RNGTT: variants seen among roughly 807,000 people sequenced by gnomAD.
RNGTT encodes mRNA-capping enzyme.
In RNGTT, 33 loss-of-function variants were observed where a neutral mutation model predicts 79.3. The observed-to-expected ratio is 0.42, with a 90% CI of 0.32 to 0.56. The LOEUF is 0.56. RNGTT is among the 20% of genes least tolerant of loss of function. RNGTT has a pLI of 0.17. For synonymous variants in RNGTT, 222 were observed against 235.9 expected (o/e 0.94, Z 0.54); for missense variants, 497 against 739.1 (o/e 0.67, Z 3.80).
chr6:88,957,454 G>A (rs1018449066), intron 1 of RNGTT, among the ~76,000 whole-genome samples: 6 of 152,130 alleles, frequency 3.9e-5, no homozygotes, highest in African/African-American at 1.2e-4. Flanking sequence ...TGATATGATT[G>A]TATACATAGG....
intron 11 of RNGTT, among the ~76,000 whole-genome samples, chr6:88,808,223 A>T (rs992528280): frequency 6.6e-5 from 10 of 152,148 alleles, no homozygotes; most frequent in African/African-American, 2.4e-4. Flanking sequence ...AATATTAACA[A>T]TGTATTGTAG....
At chr6:88,704,960 C>A (rs553800469) in intron 13 of RNGTT, among the ~76,000 whole-genome samples, 8 of 151,810 alleles carry the variant, frequency 5.3e-5, no homozygotes, top group Non-Finnish European at 1.2e-4. Flanking sequence ...TCTTAAAGGG[C>A]AGCAAGTTTG....
rs539282627 is a variant in RNGTT at position 88,771,315 on chromosome 6, GTATA to G, written c.1339-1445_1339-1442del. On this transcript the variant is annotated intron_variant, in intron 12 of 15. Transcript: ENST00000369485. ...ACTGTATGTATGTATGTGTGTGTGT[GTATA>G]TATATATATATATATATATATATAT... 7.6e-3 allele frequency among the ~76,000 whole-genome samples: 472 copies of G among 62,056 alleles called. 6 individuals are homozygous for G. Among genetic ancestry groups the G allele is most frequent in the East Asian group, 0.024 (49 of 2,018 alleles). The allele number at this position is 62,056 out of a possible 152,430, so 40.7% of individuals were successfully genotyped here.
At chr6:88,950,932 C>A (rs1189682991) in intron 1 of RNGTT, among the ~76,000 whole-genome samples, 1 of 151,370 alleles carries the variant, frequency 6.6e-6, no homozygotes, top group African/African-American at 2.4e-5. Flanking sequence ...GACCTTGGCT[C>A]ACTGCAATCT....
intron 13 of RNGTT, among the ~76,000 whole-genome samples, chr6:88,760,027 A>G (rs1410389880): frequency 6.6e-6 from 1 of 152,216 alleles, no homozygotes; most frequent in African/African-American, 2.4e-5. Context: ...GAAAGGTACT[A>G]ATGTAAAGAA....
chr6:88,849,773 A>G lies in RNGTT; in HGVS notation c.1086T>C (p.Tyr362=). Residue 362 remains tyrosine (Y), a synonymous_variant, in exon 10 of 16, where the codon TAT becomes TAC. Coordinates refer to ENST00000369485, the MANE Select transcript of RNGTT (RefSeq NM_003800.5). ...NGQAVPRYLI[Y]DIIKFNSQPV... is the part of the protein sequence containing the mutation. ...TACTTACATTGAATTTAATTATGTC[A>G]TATATCAAATATCTAGGAACAGCCT... The G allele has an allele frequency of 6.4e-7, 1 of 1,561,980 alleles. No homozygotes were observed. The highest frequency in any genetic ancestry group is 8.7e-7 in the Non-Finnish European group (1 of 1,153,574).
At chr6:88,738,837 A>AAT (rs145536808) in intron 13 of RNGTT, among the ~76,000 whole-genome samples, 7,439 of 128,326 alleles carry the variant, frequency 0.058, 589 homozygotes, top group African/African-American at 0.19. Context: ...CTATAAATAA[A>AAT]ATACACACAC....
At chr6:88,880,176 C>CTGAATGAA (rs57548721) in intron 8 of RNGTT, among the ~76,000 whole-genome samples, 18 of 149,466 alleles carry the variant, frequency 1.2e-4, no homozygotes, top group South Asian at 2.1e-4. Flanking sequence ...AATATAATTT[C>CTGAATGAA]TGAATGAATG....
intron 2 of RNGTT, among the ~76,000 whole-genome samples, chr6:88,935,807 T>C (rs980045654): frequency 6.6e-6 from 1 of 152,208 alleles, no homozygotes; most frequent in Non-Finnish European, 1.5e-5. Context: ...TATTCCTGAG[T>C]ATTTTACTAT....
intron 14 of RNGTT, among the ~76,000 whole-genome samples, chr6:88,675,106 A>G (rs1387835928): frequency 1.4e-5 from 2 of 145,650 alleles, no homozygotes; most frequent in African/African-American, 5.6e-5. Flanking sequence ...TCAGAAGAAA[A>G]AAAAAAAAAA....
chr6:88,871,173 T>TA (rs1782341956), intron 8 of RNGTT, among the ~76,000 whole-genome samples: 1 of 152,144 alleles, frequency 6.6e-6, no homozygotes, highest in African/African-American at 2.4e-5. Context: ...GATGAATAAT[T>TA]ACTCATTCAA....
At chr6:88,696,800 C>T (rs1435884997) in intron 13 of RNGTT, among the ~76,000 whole-genome samples, 2 of 152,020 alleles carry the variant, frequency 1.3e-5, no homozygotes, top group African/African-American at 2.4e-5. Context: ...TTTTCCTCTT[C>T]CCCTGGGAAA....
At chr6:88,698,097 AATAC>A (rs1243605574) in intron 13 of RNGTT, among the ~76,000 whole-genome samples, 2 of 94,218 alleles carry the variant, frequency 2.1e-5, no homozygotes, top group Non-Finnish European at 3.7e-5. Context: ...ATATATATGA[AATAC>A]ATATATATGA....
intron 4 of RNGTT, among the ~76,000 whole-genome samples, chr6:88,909,750 T>C (rs956534312): frequency 6.6e-6 from 1 of 152,164 alleles, no homozygotes; most frequent in Non-Finnish European, 1.5e-5. Context: ...TGTAAGAGCC[T>C]ATCTGCCCTT....
chr6:88,867,416 G>A (rs1279435666), intron 8 of RNGTT, among the ~76,000 whole-genome samples: 1 of 152,098 alleles, frequency 6.6e-6, no homozygotes, highest in East Asian at 1.9e-4. Flanking sequence ...CTGGGGGGCA[G>A]AGGTTGCAGT....
chr6:88,874,622 A>G (rs1367821468), intron 8 of RNGTT, among the ~76,000 whole-genome samples: 2 of 151,990 alleles, frequency 1.3e-5, no homozygotes, highest in Non-Finnish European at 2.9e-5. Context: ...AGAGTATGTG[A>G]GCAAATAATG....
chr6:88,676,799 T>C (rs1290519019), intron 14 of RNGTT, among the ~76,000 whole-genome samples: 1 of 152,182 alleles, frequency 6.6e-6, no homozygotes, highest in East Asian at 1.9e-4. Context: ...TGAACATCCA[T>C]TTCACTAGAT....
chr6:88,689,420 C>T (rs1460715400), intron 13 of RNGTT, among the ~76,000 whole-genome samples: 1 of 151,872 alleles, frequency 6.6e-6, no homozygotes, highest in Non-Finnish European at 1.5e-5. Flanking sequence ...GTGGCGAAAC[C>T]CCGTCTCTAC....
At chr6:88,781,379 C>G (rs1363698071) in intron 12 of RNGTT, among the ~76,000 whole-genome samples, 1 of 152,180 alleles carries the variant, frequency 6.6e-6, no homozygotes, top group Non-Finnish European at 1.5e-5. Flanking sequence ...GACATAATGC[C>G]TTCTTCACAA....
Sources: gnomAD v4.1 joint callset for allele counts (sites outside exome capture counted in the v4.1 genomes callset) on GRCh38, gnomAD v4.1.1 for gene constraint, MANE v1.5 for transcripts, NCBI Gene and HGNC (gene_info 2026-07-23, HGNC 2026-07-21) for gene names.